Variants in SOAT1 observed in about 807,000 individuals in gnomAD.
SOAT1 encodes the protein sterol O-acyltransferase 1, also known as acyl-coenzyme A:cholesterol acyltransferase 1.
A neutral mutation model predicts 69.5 loss-of-function variants in SOAT1; 55 were observed. The ratio of observed to expected loss-of-function variants is 0.79; its 90% CI spans 0.64 to 0.99. The LOEUF (loss-of-function observed/expected upper bound fraction) is 0.99. SOAT1 is among the 50% of genes least tolerant of loss of function. SOAT1 has a pLI of 0.00. For synonymous variants in SOAT1, 231 were observed against 224.7 expected (o/e 1.03, Z -0.25); for missense variants, 580 against 669.3 (o/e 0.87, Z 1.47).
rs1037434550 is a variant in SOAT1 at position 179,303,006 on chromosome 1, T to TA, written c.118+205dup. ...TCATCTATTGGTATCTGCTGTGTTTTAGAGACCATTCATTCAGTCACGTAA... is the reference window on the plus strand; with the variant it reads ...TCATCTATTGGTATCTGCTGTGTTTTAAGAGACCATTCATTCAGTCACGTAA... On this transcript the variant is annotated intron_variant, in intron 2 of 15. Transcript: ENST00000367619. 9.2e-5 allele frequency among the ~76,000 whole-genome samples: 14 copies of TA among 152,338 alleles called. 1 individual carries two copies. Among genetic ancestry groups the TA allele is most frequent in the African/African-American group, 3.1e-4 (13 of 41,564 alleles).
At position 179,351,363 on chromosome 1, in the gene SOAT1, G is replaced by C; in HGVS notation, c.1497G>C (p.Trp499Cys). ...IVNDSRKKPI[W>C]NVLMWTSLFL... ...ATGATAGTCGGAAAAAGCCGATTTG[G>C]AATGTTCTGATGTGGACTTCTCTTT... The change falls in exon 15 of 16, where the codon TGG (tryptophan) becomes TGC (cysteine). Residue 499 changes from tryptophan to cysteine, a missense_variant. Trp to Cys is a radical substitution (Grantham distance 215). Coordinates refer to ENST00000367619, the MANE Select transcript of SOAT1 (RefSeq NM_003101.6). The C allele has an allele frequency of 1.9e-6, 3 of 1,614,076 alleles. No individual in the cohort carries two copies. The highest frequency in any genetic ancestry group is 2.5e-6 in the Non-Finnish European group (3 of 1,179,978).
At chr1:179,346,886 C>T (rs1666550215) in intron 11 of SOAT1, among the ~76,000 whole-genome samples, 1 of 151,866 alleles carries the variant, frequency 6.6e-6, no homozygotes, top group Non-Finnish European at 1.5e-5. Flanking sequence ...GCCTGGGCAA[C>T]ATAGTGAAAC....
chr1:179,326,439 G>A (rs1665792607), intron 3 of SOAT1, among the ~76,000 whole-genome samples: 1 of 151,852 alleles, frequency 6.6e-6, no homozygotes, highest in African/African-American at 2.4e-5. Context: ...GTCATCACAT[G>A]CCATTTGGTG....
intron 2 of SOAT1, among the ~76,000 whole-genome samples, chr1:179,308,847 C>T (rs1174847463): frequency 6.6e-6 from 1 of 151,826 alleles, no homozygotes; most frequent in African/African-American, 2.4e-5. Flanking sequence ...TATTTGAGAT[C>T]TCTTCTGCAA....
At chr1:179,298,291 G>A (rs1664721371) in intron 1 of SOAT1, among the ~76,000 whole-genome samples, 1 of 151,804 alleles carries the variant, frequency 6.6e-6, no homozygotes. Flanking sequence ...CACCGTGCTA[G>A]GCTAGCCAGG....
In SOAT1 at chr1:179,342,136, A is replaced by G. The variant is rs1264555055; in HGVS notation, c.803A>G (p.His268Arg). 1.2e-6 allele frequency: 2 copies of G among 1,613,454 alleles called. No homozygotes were observed. The highest frequency in any genetic ancestry group is 1.3e-5 in the African/African-American group (1 of 74,878). ...TAGATTCGTTTTGTAATGAAGGCCC[A>G]CTCATTTGTCAGAGAGAACGTGCCT... ...FEQIRFVMKA[H>R]SFVRENVPRV... The change falls in exon 8 of 16, where the codon CAC becomes CGC. Residue 268 changes from histidine (H) to arginine (R), a missense_variant. Transcript: ENST00000367619.
At chr1:179,309,100 T>C (rs997148995) in intron 2 of SOAT1, among the ~76,000 whole-genome samples, 13 of 152,324 alleles carry the variant, frequency 8.5e-5, no homozygotes, top group Middle Eastern at 3.4e-3. Flanking sequence ...CATTCTTTTT[T>C]TGAGACGGAG....
intron 2 of SOAT1, among the ~76,000 whole-genome samples, chr1:179,319,549 C>T (rs537965960): frequency 6.6e-6 from 1 of 152,006 alleles, no homozygotes; most frequent in Admixed American, 6.6e-5. Context: ...GGATTACAGT[C>T]ATGAGCCACC....
chr1:179,351,284 CTG>C, intron 14 of SOAT1, 31 bp from the exon 15 acceptor site: 1 of 1,604,712 alleles, frequency 6.2e-7, no homozygotes, highest in Non-Finnish European at 8.5e-7. Context: ...CCTCTGATAA[CTG>C]TATATTTCTT....
At chr1:179,325,756 G>A (rs564155024) in intron 3 of SOAT1, among the ~76,000 whole-genome samples, 5 of 152,282 alleles carry the variant, frequency 3.3e-5, no homozygotes, top group African/African-American at 1.2e-4. Flanking sequence ...GGGGTGGAAA[G>A]TAGAGGTTTT....
intron 1 of SOAT1, among the ~76,000 whole-genome samples, chr1:179,299,878 C>T (rs1390181624): frequency 6.0e-5 from 9 of 149,806 alleles, no homozygotes; most frequent in Non-Finnish European, 1.0e-4. Flanking sequence ...CTCAGCCTCC[C>T]GAGTAGCTGG....
chr1:179,342,435 T>C (rs1666373266), intron 8 of SOAT1, among the ~76,000 whole-genome samples: 2 of 152,036 alleles, frequency 1.3e-5, no homozygotes, highest in Admixed American at 6.6e-5. Flanking sequence ...CATTATATAA[T>C]GTAGAGATTG....
intron 2 of SOAT1, among the ~76,000 whole-genome samples, chr1:179,314,699 G>A (rs1462646940): frequency 6.6e-6 from 1 of 152,090 alleles, no homozygotes; most frequent in African/African-American, 2.4e-5. Context: ...GTGCTGGGAT[G>A]ATAATAGGCG....
chr1:179,315,091 A>G (rs1665345610), intron 2 of SOAT1, among the ~76,000 whole-genome samples: 1 of 152,118 alleles, frequency 6.6e-6, no homozygotes, highest in Non-Finnish European at 1.5e-5. Flanking sequence ...TCATTGTTTC[A>G]GGGTCAGTGT....
intron 2 of SOAT1, among the ~76,000 whole-genome samples, chr1:179,311,919 A>G (rs1665233251): frequency 1.3e-5 from 2 of 152,222 alleles, no homozygotes; most frequent in Admixed American, 6.5e-5. Context: ...TGATTAAGAC[A>G]ATAATAGTTT....
chr1:179,313,395 TATG>T (rs10564179), intron 2 of SOAT1, among the ~76,000 whole-genome samples: 32,935 of 152,072 alleles, frequency 0.22, 4,552 homozygotes, highest in East Asian at 0.38. Flanking sequence ...ACACTATAGT[TATG>T]ATATGTCAGA....
chr1:179,332,549 C>T (rs1209328202), intron 3 of SOAT1, among the ~76,000 whole-genome samples: 2 of 152,120 alleles, frequency 1.3e-5, no homozygotes, highest in Non-Finnish European at 1.5e-5. Context: ...TGCCTCCTCC[C>T]TTCTGCCGCT....
chr1:179,339,578 A>G (rs374388863), intron 6 of SOAT1, 33 bp downstream of exon 6: 10 of 1,407,636 alleles, frequency 7.1e-6, no homozygotes, highest in Non-Finnish European at 9.9e-6. Context: ...TGGCTAGTTG[A>G]TGCATGAGAA....
chr1:179,340,855 G>A (rs1299602968), intron 6 of SOAT1, among the ~76,000 whole-genome samples, 173 bp from the exon 7 acceptor site: 4 of 150,938 alleles, frequency 2.7e-5, no homozygotes, highest in Non-Finnish European at 5.9e-5. Flanking sequence ...TAAAGCAGAT[G>A]GTTAGAAGCA....
Sources: allele counts gnomAD v4.1 joint callset (sites outside exome capture counted in the v4.1 genomes callset), GRCh38; gene constraint gnomAD v4.1.1; transcripts MANE v1.5; gene names NCBI Gene and HGNC (gene_info 2026-07-23, HGNC 2026-07-21).